The following TMPRSS11B variants were observed in gnomAD, a reference collection of about 807,000 sequenced individuals.
TMPRSS11B encodes the protein transmembrane protease serine 11B.
Under a neutral mutation model 44.7 loss-of-function variants are expected in TMPRSS11B, and 53 were observed. The observed-to-expected ratio is 1.19, with a 90% CI of 0.95 to 1.49. TMPRSS11B has a LOEUF of 1.49. TMPRSS11B is among the 40% of genes most tolerant of loss of function. The probability of loss-of-function intolerance (pLI) is 0.00; values close to 1 mark genes in which losing one functional copy is unlikely to be tolerated. For missense variants in TMPRSS11B, 526 were observed against 494.8 expected (o/e 1.06, Z -0.60); for synonymous variants, 140 against 159.2 (o/e 0.88, Z 0.91).
chr4:68,237,391 A>G (rs902841701), intron 2 of TMPRSS11B, among the ~76,000 whole-genome samples: 1 of 152,198 alleles, frequency 6.6e-6, no homozygotes, highest in African/African-American at 2.4e-5. Flanking sequence ...CAGTGCTGCA[A>G]TAAACATAAG....
At chr4:68,240,215 CTTAAG>C (rs1383401370) in intron 2 of TMPRSS11B, among the ~76,000 whole-genome samples, 2 of 151,916 alleles carry the variant, frequency 1.3e-5, no homozygotes, top group Non-Finnish European at 2.9e-5. Flanking sequence ...TGTTATCCAG[CTTAAG>C]TTATTCTCAA....
chr4:68,238,615 T>C (rs1172952627), intron 2 of TMPRSS11B, among the ~76,000 whole-genome samples: 1 of 151,072 alleles, frequency 6.6e-6, no homozygotes, highest in African/African-American at 2.4e-5. Context: ...TAGTCCCAGC[T>C]ACTTGAGAGG....
rs1016958175 is a variant in TMPRSS11B, at chr4:68,227,586, T to A, written c.*325A>T. ...CACCATGCCTAGCTAATTTTTGTATTTTTTGAACACGGATTTAGCCATGTT... is the reference window on the plus strand; with the variant it reads ...CACCATGCCTAGCTAATTTTTGTATATTTTGAACACGGATTTAGCCATGTT... On this transcript the variant is annotated 3_prime_UTR_variant, in exon 10 of 10. Transcript: ENST00000332644. 5 of 153,036 alleles carry A rather than the reference T, an allele frequency of 3.3e-5. No individual in the cohort carries two copies. Among genetic ancestry groups the A allele is most frequent in the African/African-American group, 1.2e-4 (5 of 41,362 alleles). 9.5% of individuals were successfully genotyped at this position (153,036 alleles called of 1,614,324 possible).
intron 4 of TMPRSS11B, among the ~76,000 whole-genome samples, chr4:68,235,598 T>C (rs893800094): frequency 6.6e-6 from 1 of 152,186 alleles, no homozygotes; most frequent in African/African-American, 2.4e-5. Context: ...TTAAGGAAAC[T>C]AAAATAGGAT....
intron 4 of TMPRSS11B, among the ~76,000 whole-genome samples, 177 bp from the exon 5 acceptor site, chr4:68,234,800 C>T (rs1347671784): frequency 5.9e-5 from 9 of 152,068 alleles, no homozygotes; most frequent in African/African-American, 1.9e-4. Flanking sequence ...ACTTCTAGTA[C>T]GTCTAGTTCA....
In TMPRSS11B at chr4:68,228,773, C is replaced by A. The variant is rs368872870; in HGVS notation, c.1058G>T (p.Gly353Val). 6.2e-7 allele frequency: 1 copy of A among 1,613,094 alleles called. No homozygotes were observed. The highest frequency in any genetic ancestry group is 2.2e-5 in the East Asian group (1 of 44,796). Residue 353 changes from glycine (G) to valine (V), a missense_variant, in exon 9 of 10, where the codon GGA becomes GTA. Coordinates refer to ENST00000332644, the MANE Select transcript of TMPRSS11B (RefSeq NM_182502.3). The stretch of plus-strand genomic sequence containing the variant: ...TGCATCAGCTTCTCCTGACATAAAT[C>A]CAGCACATAACATTGTATCAGTCAC... The part of the protein sequence containing the change: ...GFVTDTMLCA[G>V]FMSGEADACQ...
At position 68,229,481 on chromosome 4, in the gene TMPRSS11B, C is replaced by A; in HGVS notation, c.722G>T (p.Gly241Val). ...NNSKDWTVNF[G>V]IVVNKPYMTR... Reference sequence around the variant, plus strand: ...CATATATGGTTTATTTACTACAATTCCAAAGTTGACAGTCCAATCTTTTGA... The same window carrying A: ...CATATATGGTTTATTTACTACAATTACAAAGTTGACAGTCCAATCTTTTGA... Residue 241 changes from glycine to valine, a missense_variant, in exon 8 of 10, where the codon GGA becomes GTA. Physicochemically the swap from Gly to Val is moderately radical, Grantham distance 109 (BLOSUM62 -3). Coordinates refer to ENST00000332644, the MANE Select transcript of TMPRSS11B (RefSeq NM_182502.3). The A allele has an allele frequency of 6.2e-7, 1 of 1,612,832 alleles. No individual in the cohort carries two copies. Among genetic ancestry groups the A allele is most frequent in the Non-Finnish European group, 8.5e-7 (1 of 1,179,362 alleles).
rs767148305 is a variant in TMPRSS11B at position 68,228,091 on chromosome 4, A to G, written c.1090-19T>C. On this transcript the variant is annotated intron_variant, in intron 9 of 9. Transcript: ENST00000332644. ...AATCATTCTAGAAGAAGAAAAGAAA[A>G]AAATGTTTCTTGTCTTAACAAAAAA... 2.5e-6 allele frequency: 4 copies of G among 1,582,132 alleles called. No individual in the cohort carries two copies. The highest frequency in any genetic ancestry group is 3.4e-6 in the Non-Finnish European group (4 of 1,168,258).
chr4:68,242,194 CATAAT>C (rs1210953804), intron 1 of TMPRSS11B, among the ~76,000 whole-genome samples: 2 of 73,538 alleles, frequency 2.7e-5, no homozygotes, highest in African/African-American at 5.4e-5. Flanking sequence ...CAATTAAATA[CATAAT>C]ATAATATAAT....
chr4:68,234,172 C>A (rs1042944421), intron 5 of TMPRSS11B, among the ~76,000 whole-genome samples: 6 of 151,138 alleles, frequency 4.0e-5, no homozygotes, highest in Non-Finnish European at 8.9e-5. Context: ...AAAAAAAAAA[C>A]AAGAAGATAA....
chr4:68,239,036 G>T (rs1211442198), intron 2 of TMPRSS11B, among the ~76,000 whole-genome samples: 1 of 152,044 alleles, frequency 6.6e-6, no homozygotes. Flanking sequence ...TCAGTTCAAG[G>T]TACCATTTTA....
rs377571492 is a variant in TMPRSS11B at position 68,241,687 on chromosome 4, A to T, written c.124+2T>A. ...TGAAAACTGAAAATAATCAGTACTC[A>T]CCAACTGCCAGAAAATGAACAAGAA... On this transcript the variant is annotated splice_donor_variant, in intron 2 of 9. Coordinates refer to ENST00000332644, the MANE Select transcript of TMPRSS11B (RefSeq NM_182502.3). LOFTEE classifies it high-confidence loss of function. 3.8e-6 allele frequency: 6 copies of T among 1,594,300 alleles called. No homozygotes were observed. Among genetic ancestry groups the T allele is most frequent in the Non-Finnish European group, 5.2e-6 (6 of 1,162,284 alleles).
rs982949634 is a variant in TMPRSS11B, at chr4:68,226,803, C to G, written c.*1108G>C. 2 of 152,198 alleles carry G rather than the reference C, an allele frequency of 1.3e-5. No homozygotes were observed. Among genetic ancestry groups the G allele is most frequent in the Non-Finnish European group, 2.9e-5 (2 of 68,044 alleles). The allele number at this position is 152,198 out of a possible 1,614,324, so 9.4% of individuals were successfully genotyped here. On this transcript the variant is annotated 3_prime_UTR_variant, in exon 10 of 10. Transcript: ENST00000332644. The stretch of plus-strand genomic sequence containing the variant: ...ACTTTTACTATAAGGAGATGCCACA[C>G]AGTTCTCTGCCCTTGATGACCTCAT...
rs769574572 is a variant in TMPRSS11B, at chr4:68,229,320, T to A, written c.883A>T (p.Lys295Ter). 3.7e-6 allele frequency: 6 copies of A among 1,613,754 alleles called. No homozygotes were observed. The highest frequency in any genetic ancestry group is 1.7e-6 in the Non-Finnish European group (2 of 1,179,864). Residue 295 changes from lysine to a stop codon, truncating the protein, a stop_gained, in exon 8 of 10, where the codon AAA (lysine) becomes TAA (stop). Transcript: ENST00000332644. LOFTEE classifies it high-confidence loss of function. ...YIRKICLPEA[K>*]MKLSENDNVV... ...TTGTCATTTTCTGAGAGCTTCATTT[T>A]GGCTTCAGGAAGACAAATCTTACGA...
chr4:68,241,954 A>T (rs530591041), intron 1 of TMPRSS11B, 150 bp from the exon 2 acceptor site: 1 of 573,036 alleles, frequency 1.7e-6, no homozygotes, highest in African/African-American at 1.9e-5. Flanking sequence ...CTCAAAGAGG[A>T]TAGACCCTAA....
At position 68,227,758 on chromosome 4, in the gene TMPRSS11B, T is replaced by C. The variant is rs1296602067; in HGVS notation, c.*153A>G. The C allele has an allele frequency of 5.0e-6, 2 of 398,744 alleles. No homozygotes were observed. Among genetic ancestry groups the C allele is most frequent in the Non-Finnish European group, 7.5e-6 (2 of 265,378 alleles). 24.7% of individuals were successfully genotyped at this position (398,744 alleles called of 1,614,324 possible). ...AAGATTAATAAATGCATGGACAGTG[T>C]TTTAGATATAATAAAATATTAATAA... On this transcript the variant is annotated 3_prime_UTR_variant, in exon 10 of 10. Transcript: ENST00000332644.
chr4:68,242,317 A>ATATATATTATATTATATTATATATATAT (rs1719869455), intron 1 of TMPRSS11B, among the ~76,000 whole-genome samples: 3 of 72,956 alleles, frequency 4.1e-5, no homozygotes, highest in Admixed American at 4.6e-4. Context: ...ATATAATATT[A>ATATATATTATATTATATTATATATATAT]TATATATAAT....
chr4:68,233,156 G>A (rs1188070909), intron 5 of TMPRSS11B, among the ~76,000 whole-genome samples: 1 of 151,986 alleles, frequency 6.6e-6, no homozygotes, highest in East Asian at 2.0e-4. Flanking sequence ...ATGGGACACA[G>A]AAAGAGAGTA....
intron 1 of TMPRSS11B, among the ~76,000 whole-genome samples, chr4:68,243,869 T>C (rs918945384): frequency 5.9e-5 from 9 of 152,168 alleles, no homozygotes; most frequent in Non-Finnish European, 1.3e-4. Context: ...GAGATTTTTC[T>C]CTAAAAACCC....
Sources: gnomAD v4.1 joint callset for allele counts (sites outside exome capture counted in the v4.1 genomes callset) on GRCh38, gnomAD v4.1.1 for gene constraint, MANE v1.5 for transcripts, NCBI Gene and HGNC (gene_info 2026-07-23, HGNC 2026-07-21) for gene names.